CAMK1D: variants seen among roughly 807,000 people sequenced by gnomAD.
CAMK1D encodes calcium/calmodulin-dependent protein kinase type 1D.
In CAMK1D, 9 loss-of-function variants were observed where a neutral mutation model predicts 47.7. That is an observed-to-expected ratio of 0.19 (90% CI 0.11 to 0.33). The LOEUF (loss-of-function observed/expected upper bound fraction) is 0.33. Ranked by LOEUF, CAMK1D falls within the 10% of genes least tolerant of loss-of-function variation. The pLI, the probability that CAMK1D is intolerant of heterozygous loss-of-function variation, is 1.00. For synonymous variants in CAMK1D, 184 were observed against 184.9 expected (o/e 0.99, Z 0.04); for missense variants, 291 against 488.7 (o/e 0.60, Z 3.81).
intron 1 of CAMK1D, among the ~76,000 whole-genome samples, chr10:12,371,234 C>G (rs1013974360): frequency 6.6e-6 from 1 of 151,996 alleles, no homozygotes; most frequent in African/African-American, 2.4e-5. Flanking sequence ...CTTCTAGGCC[C>G]GGAAGCTCCA....
intron 3 of CAMK1D, among the ~76,000 whole-genome samples, chr10:12,699,783 T>C (rs900108689): frequency 2.0e-5 from 3 of 152,164 alleles, no homozygotes; most frequent in Non-Finnish European, 4.4e-5. Flanking sequence ...TTTGGGGCAT[T>C]GTCCACATAA....
At chr10:12,766,946 C>A (rs369746253) in intron 4 of CAMK1D, among the ~76,000 whole-genome samples, 1 of 152,244 alleles carries the variant, frequency 6.6e-6, no homozygotes, top group East Asian at 1.9e-4. Flanking sequence ...TTGGTGAGTT[C>A]TGAAAATTTC....
At chr10:12,729,846 G>A (rs1308232725) in intron 3 of CAMK1D, among the ~76,000 whole-genome samples, 1 of 152,230 alleles carries the variant, frequency 6.6e-6, no homozygotes, top group Middle Eastern at 3.4e-3. Flanking sequence ...TGTGGCCAAG[G>A]CCCAGCGGAA....
At chr10:12,538,716 A>G (rs758401101) in intron 1 of CAMK1D, among the ~76,000 whole-genome samples, 3 of 152,082 alleles carry the variant, frequency 2.0e-5, no homozygotes, top group Admixed American at 6.6e-5. Context: ...TTCTCCATCC[A>G]GCCAGTACTG....
chr10:12,519,902 A>C (rs1184681561), intron 1 of CAMK1D, among the ~76,000 whole-genome samples: 14 of 12,758 alleles, frequency 1.1e-3, no homozygotes, highest in South Asian at 5.2e-3. Context: ...CTGACCCCCC[A>C]CCTCCCTCCC....
rs997203912 is a variant in CAMK1D, at chr10:12,553,170, A to G, written c.93-55A>G. ...CTTCGGTGGTAGGGTGAATGGAGCC[A>G]TTGTGAAACTGGACTTCTGCATCTA... On this transcript the variant is annotated intron_variant, in intron 1 of 10. Transcript: ENST00000619168. The G allele has an allele frequency of 1.6e-5, 25 of 1,609,664 alleles. No individual in the cohort carries two copies. The East Asian group carries it at 2.7e-4, about 17-fold the overall frequency.
intron 1 of CAMK1D, among the ~76,000 whole-genome samples, chr10:12,503,437 C>T (rs1834767600): frequency 6.6e-6 from 1 of 152,156 alleles, no homozygotes; most frequent in Non-Finnish European, 1.5e-5. Flanking sequence ...GCAGCCTGGG[C>T]TACTTTTAAC....
At chr10:12,607,387 A>G (rs746438956) in intron 2 of CAMK1D, among the ~76,000 whole-genome samples, 11 of 152,204 alleles carry the variant, frequency 7.2e-5, no homozygotes, top group Non-Finnish European at 1.3e-4. Flanking sequence ...TGTAAAGGAT[A>G]AATTTGTCAT....
At chr10:12,525,299 T>A (rs1835584336) in intron 1 of CAMK1D, among the ~76,000 whole-genome samples, 1 of 152,216 alleles carries the variant, frequency 6.6e-6, no homozygotes, top group Non-Finnish European at 1.5e-5. Context: ...TCAGCCATTC[T>A]TTCTTTCAAT....
intron 5 of CAMK1D, among the ~76,000 whole-genome samples, chr10:12,788,287 A>T (rs1837823023): frequency 6.6e-6 from 1 of 152,144 alleles, no homozygotes; most frequent in Non-Finnish European, 1.5e-5. Flanking sequence ...AACTCTGGGC[A>T]CCTGGCACGG....
chr10:12,537,707 T>C (rs1836021048), intron 1 of CAMK1D, among the ~76,000 whole-genome samples: 1 of 152,202 alleles, frequency 6.6e-6, no homozygotes, highest in Non-Finnish European at 1.5e-5. Flanking sequence ...ATGGCTGTGT[T>C]AGTGGGAAGC....
rs1277830797 is a variant in CAMK1D at position 12,349,750 on chromosome 10, C to CGCGCCGCGCCCCCG, written c.-63_-50dup. 4.7e-3 allele frequency: 2,773 copies of CGCGCCGCGCCCCCG among 585,660 alleles called. 15 individuals carry two copies. The highest frequency in any genetic ancestry group is 7.4e-3 in the Admixed American group (122 of 16,452). 36.3% of individuals were successfully genotyped at this position (585,660 alleles called of 1,614,324 possible). On this transcript the variant is annotated 5_prime_UTR_variant, in exon 1 of 11. Coordinates refer to ENST00000619168, the MANE Select transcript of CAMK1D (RefSeq NM_153498.4). Reference sequence around the variant, plus strand: ...CCGGCATCCCCGCCGCCTCTGCGCCCGCGCCGCGCCCCCGGCGCCCCCTCC... The same window carrying CGCGCCGCGCCCCCG: ...CCGGCATCCCCGCCGCCTCTGCGCCCGCGCCGCGCCCCCGGCGCCGCGCCCCCGGCGCCCCCTCC...
intron 6 of CAMK1D, among the ~76,000 whole-genome samples, chr10:12,805,026 C>T (rs898443528): frequency 4.6e-5 from 7 of 151,106 alleles, no homozygotes; most frequent in South Asian, 2.1e-4. Flanking sequence ...TTTGGGAGGC[C>T]GATGTAGGCG....
At chr10:12,690,109 C>T (rs557670770) in intron 3 of CAMK1D, among the ~76,000 whole-genome samples, 3 of 152,294 alleles carry the variant, frequency 2.0e-5, no homozygotes, top group East Asian at 3.9e-4. Context: ...CTTCCATCTC[C>T]GTGTGGACCT....
In CAMK1D at chr10:12,542,532, A is replaced by G. The variant is rs74853120; in HGVS notation, c.93-10693A>G. Among the ~76,000 whole-genome samples the G allele has an allele frequency of 2.5e-4, 38 of 152,334 alleles. No individual in the cohort carries two copies. In the East Asian group the frequency reaches 6.7e-3, roughly 27 times the overall value. On this transcript the variant is annotated intron_variant, in intron 1 of 10. Coordinates refer to ENST00000619168, the MANE Select transcript of CAMK1D (RefSeq NM_153498.4). Reference sequence around the variant, plus strand: ...CGAGTGGTTGGTTTAGTGAACTGTCATGAATCAAAAAGACAGCTCCCAAAT... The same window carrying G: ...CGAGTGGTTGGTTTAGTGAACTGTCGTGAATCAAAAAGACAGCTCCCAAAT...
intron 5 of CAMK1D, among the ~76,000 whole-genome samples, chr10:12,790,535 G>C (rs1225108777): frequency 6.6e-6 from 1 of 152,136 alleles, no homozygotes; most frequent in Non-Finnish European, 1.5e-5. Context: ...GTACGGCACT[G>C]CCATAAAATA....
At chr10:12,472,264 C>A (rs151137787) in intron 1 of CAMK1D, among the ~76,000 whole-genome samples, 1 of 152,046 alleles carries the variant, frequency 6.6e-6, no homozygotes, top group Non-Finnish European at 1.5e-5. Flanking sequence ...AAACTTATCA[C>A]GAGCATGTAT....
Position 12,414,132 on chromosome 10 carries a change from A to C in CAMK1D, c.92+64222A>C, listed in dbSNP as rs368831268. Among the ~76,000 whole-genome samples, 161 of 152,362 alleles carry C rather than the reference A, an allele frequency of 1.1e-3. 1 individual carries two copies. The highest frequency in any genetic ancestry group is 3.7e-3 in the African/African-American group (152 of 41,590). ...AATCCAAAAATCTGAAAACCATAAT[A>C]TAATAAATGTGTAGTTTAGTTCTTT... On this transcript the variant is annotated intron_variant, in intron 1 of 10. Transcript: ENST00000619168.
intron 1 of CAMK1D, among the ~76,000 whole-genome samples, chr10:12,405,904 A>C (rs570007719): frequency 6.6e-6 from 1 of 152,240 alleles, no homozygotes; most frequent in Non-Finnish European, 1.5e-5. Flanking sequence ...TATGAATTTC[A>C]GAGCACTTAA....
Sources: gnomAD v4.1 joint callset for allele counts (sites outside exome capture counted in the v4.1 genomes callset) on GRCh38, gnomAD v4.1.1 for gene constraint, MANE v1.5 for transcripts, NCBI Gene and HGNC (gene_info 2026-07-23, HGNC 2026-07-21) for gene names.